The following IFIT1B variants were observed in gnomAD, a reference collection of about 807,000 sequenced individuals.
The protein encoded by IFIT1B is interferon induced protein with tetratricopeptide repeats 1B.
A neutral mutation model predicts 2.5 loss-of-function variants in IFIT1B; 3 were observed. That is an observed-to-expected ratio of 1.21 (90% CI 0.55 to 3.14). IFIT1B has a LOEUF of 3.14. Among genes scored for constraint, IFIT1B ranks in the 30% most tolerant of loss-of-function variants. IFIT1B has a pLI of 0.03. For missense variants in IFIT1B, 545 were observed against 556.5 expected (o/e 0.98, Z 0.21); for synonymous variants, 196 against 203.0 (o/e 0.97, Z 0.29).
In IFIT1B at chr10:89,378,069, T is replaced by C. The variant is rs304504; in HGVS notation, c.-67T>C. 0.52 allele frequency: 822,696 copies of C among 1,580,038 alleles called. 223,504 individuals carry two copies. Among genetic ancestry groups the C allele is most frequent in the African/African-American group, 0.89 (65,960 of 74,370 alleles). Reference sequence around the variant, plus strand: ...CTGAGAAGCCCTAGAACTCTGTGGATGAACCTTGAAGGAGCCTCCAAGCCT... The same window carrying C: ...CTGAGAAGCCCTAGAACTCTGTGGACGAACCTTGAAGGAGCCTCCAAGCCT... On this transcript the variant is annotated 5_prime_UTR_variant, in exon 1 of 2. It removes an upstream start codon present in the reference 5' UTR. Coordinates refer to ENST00000371809, the MANE Select transcript of IFIT1B (RefSeq NM_001010987.2).
rs1844179526 is a variant in IFIT1B at position 89,383,618 on chromosome 10, C to T, written c.305C>T (p.Ala102Val). The T allele has an allele frequency of 1.9e-6, 3 of 1,614,186 alleles. No homozygotes were observed. The highest frequency in any genetic ancestry group is 1.7e-6 in the Non-Finnish European group (2 of 1,180,038). ...IRSLVTWGNF[A>V]WVYYHMGRLA... Reference sequence around the variant, plus strand: ...AGTCTGGTGACCTGGGGCAACTTTGCCTGGGTGTATTACCACATGGGCAGA... The same window carrying T: ...AGTCTGGTGACCTGGGGCAACTTTGTCTGGGTGTATTACCACATGGGCAGA... Residue 102 changes from alanine (A) to valine (V), a missense_variant, in exon 2 of 2, where the codon GCC becomes GTC. By Grantham distance (64) the Ala-to-Val change is moderately conservative. Coordinates refer to ENST00000371809, the MANE Select transcript of IFIT1B (RefSeq NM_001010987.2).
chr10:89,383,267 A>G, intron 1 of IFIT1B, 52 bp from the exon 2 acceptor site: 1 of 1,483,138 alleles, frequency 6.7e-7, no homozygotes, highest in Non-Finnish European at 9.2e-7. Context: ...CTTCATTTTC[A>G]GTGGACTGAA....
At chr10:89,381,378 T>G (rs1844162039) in intron 1 of IFIT1B, among the ~76,000 whole-genome samples, 2 of 152,192 alleles carry the variant, frequency 1.3e-5, no homozygotes, top group South Asian at 4.1e-4. Flanking sequence ...TACTTACTCC[T>G]GACCCCACCT....
At chr10:89,383,147 A>G (rs1332881753) in intron 1 of IFIT1B, among the ~76,000 whole-genome samples, 172 bp from the exon 2 acceptor site, 2 of 152,210 alleles carry the variant, frequency 1.3e-5, no homozygotes, top group Non-Finnish European at 2.9e-5. Flanking sequence ...CTTGGTTTTT[A>G]TGTCAACCTG....
intron 1 of IFIT1B, among the ~76,000 whole-genome samples, chr10:89,380,435 C>CTT (rs58504474): frequency 9.9e-5 from 14 of 140,862 alleles, no homozygotes; most frequent in Admixed American, 7.1e-5. Context: ...ACAAACTCAT[C>CTT]TTTTTTTTTT....
At position 89,384,482 on chromosome 10, in the gene IFIT1B, A is replaced by G. The variant is rs372856637; in HGVS notation, c.1169A>G (p.His390Arg). 1.2e-6 allele frequency: 2 copies of G among 1,614,234 alleles called. No individual in the cohort carries two copies. The highest frequency in any genetic ancestry group is 1.7e-5 in the Admixed American group (1 of 60,024). The stretch of plus-strand genomic sequence containing the variant: ...TACCACTACGGCCGTTTCCAAGAAC[A>G]TCATGGGAAATCTCAAGATAAAGCA... ...IHYHYGRFQE[H>R]HGKSQDKAIT... is the part of the protein sequence containing the mutation. The change falls in exon 2 of 2, where the codon CAT becomes CGT. Residue 390 changes from histidine (H) to arginine (R), a missense_variant. His to Arg is a conservative substitution (Grantham distance 29). Coordinates refer to ENST00000371809, the MANE Select transcript of IFIT1B (RefSeq NM_001010987.2).
Position 89,383,413 on chromosome 10 carries a change from G to C in IFIT1B, c.100G>C (p.Asp34His). ...KLLIEAPEIPDLENRIWEEIQ... is the reference protein window; with the variant it reads ...KLLIEAPEIPHLENRIWEEIQ... ...GTTAATTGAAGCCCCTGAAATTCCTGATTTAGAAAACAGGATCTGGGAAGA... is the reference window on the plus strand; with the variant it reads ...GTTAATTGAAGCCCCTGAAATTCCTCATTTAGAAAACAGGATCTGGGAAGA... Residue 34 changes from aspartate to histidine, a missense_variant, in exon 2 of 2, where the codon GAT becomes CAT. Coordinates refer to ENST00000371809, the MANE Select transcript of IFIT1B (RefSeq NM_001010987.2). The C allele has an allele frequency of 6.2e-7, 1 of 1,614,196 alleles. No homozygotes were observed. Among genetic ancestry groups the C allele is most frequent in the South Asian group, 1.1e-5 (1 of 91,082 alleles).
intron 1 of IFIT1B, among the ~76,000 whole-genome samples, chr10:89,378,986 G>A (rs979031908): frequency 1.3e-5 from 2 of 152,202 alleles, no homozygotes; most frequent in African/African-American, 4.8e-5. Flanking sequence ...GGACCAGTCA[G>A]GGCAAGAGCA....
At chr10:89,379,473 T>C (rs1257660703) in intron 1 of IFIT1B, among the ~76,000 whole-genome samples, 1 of 152,212 alleles carries the variant, frequency 6.6e-6, no homozygotes, top group Non-Finnish European at 1.5e-5. Context: ...AATATATATT[T>C]CTTTTTTTCC....
intron 1 of IFIT1B, among the ~76,000 whole-genome samples, chr10:89,382,443 G>A (rs1021243361): frequency 5.3e-5 from 8 of 152,266 alleles, no homozygotes; most frequent in Admixed American, 1.3e-4. Flanking sequence ...TCAGAGGAGC[G>A]TGAACTATTG....
rs1844140638 is a variant in IFIT1B at position 89,378,781 on chromosome 10, A to G, written c.5+641A>G. 3.3e-5 allele frequency among the ~76,000 whole-genome samples: 5 copies of G among 152,370 alleles called. No homozygotes were observed. The South Asian group carries it at 1.0e-3, about 32-fold the overall frequency. On this transcript the variant is annotated intron_variant, in intron 1 of 1. Coordinates refer to ENST00000371809, the MANE Select transcript of IFIT1B (RefSeq NM_001010987.2). ...AGAGGCAAGTTTCCTAACTCCTGTT[A>G]CAGAGCTCGCTTAGTAAGGGTAGCT...
At position 89,384,237 on chromosome 10, in the gene IFIT1B, G is replaced by C. The variant is rs767930241; in HGVS notation, c.924G>C (p.Trp308Cys). The C allele has an allele frequency of 6.2e-7, 1 of 1,614,164 alleles. No homozygotes were observed. The highest frequency in any genetic ancestry group is 2.2e-5 in the East Asian group (1 of 44,884). The change falls in exon 2 of 2, where the codon TGG becomes TGC. Residue 308 changes from tryptophan to cysteine, a missense_variant. Trp to Cys is a radical substitution (Grantham distance 215, BLOSUM62 -2). Coordinates refer to ENST00000371809, the MANE Select transcript of IFIT1B (RefSeq NM_001010987.2). ...QMIQIKEATN[W>C]QPRGQDRETV... ...TCCAAATCAAGGAAGCTACAAACTG[G>C]CAGCCTAGAGGGCAAGATAGGGAAA...
chr10:89,382,075 CT>C (rs1406481685), intron 1 of IFIT1B, among the ~76,000 whole-genome samples: 5 of 151,920 alleles, frequency 3.3e-5, no homozygotes, highest in African/African-American at 4.8e-5. Flanking sequence ...TGGCCGTGAA[CT>C]TTTTCTTTCC....
At chr10:89,379,698 T>C (rs1844147728) in intron 1 of IFIT1B, among the ~76,000 whole-genome samples, 1 of 151,832 alleles carries the variant, frequency 6.6e-6, no homozygotes, top group South Asian at 2.1e-4. Context: ...ACCACAAGAG[T>C]ACCCAAGTCT....
rs749702479 is a variant in IFIT1B at position 89,383,660 on chromosome 10, C to A, written c.347C>A (p.Thr116Asn). ...ATGGGCAGATTGGCAGAAGCCCAGA[C>A]TTACCTGGACAAGGTGGAGAACACT... ...YHMGRLAEAQ[T>N]YLDKVENTCK... The change falls in exon 2 of 2, where the codon ACT (threonine) becomes AAT (asparagine). Residue 116 changes from threonine (T) to asparagine (N), a missense_variant. Coordinates refer to ENST00000371809, the MANE Select transcript of IFIT1B (RefSeq NM_001010987.2). 3.7e-6 allele frequency: 6 copies of A among 1,614,126 alleles called. No individual in the cohort carries two copies. In the Admixed American group the frequency reaches 1.0e-4, roughly 27 times the overall value.
intron 1 of IFIT1B, among the ~76,000 whole-genome samples, chr10:89,378,698 A>T (rs552250038): frequency 6.6e-6 from 1 of 152,360 alleles, no homozygotes; most frequent in South Asian, 2.1e-4. Context: ...TTCCAAGCAC[A>T]GAGCATGGTG....
intron 1 of IFIT1B, among the ~76,000 whole-genome samples, chr10:89,380,200 A>G (rs1259246043): frequency 6.6e-6 from 1 of 152,086 alleles, no homozygotes; most frequent in Non-Finnish European, 1.5e-5. Context: ...GCCTAAGGGG[A>G]ATCTGGACTA....
chr10:89,379,423 TAAG>T (rs936590832), intron 1 of IFIT1B, among the ~76,000 whole-genome samples: 28 of 152,266 alleles, frequency 1.8e-4, no homozygotes, highest in African/African-American at 6.5e-4. Context: ...TGTTAGAAAA[TAAG>T]AAATTTTGTA....
intron 1 of IFIT1B, 132 bp downstream of exon 1, chr10:89,378,272 G>C: frequency 1.2e-6 from 1 of 832,864 alleles, no homozygotes; most frequent in Non-Finnish European, 2.0e-6. Flanking sequence ...ACCCTGATAG[G>C]CACCCTCAAC....
Sources: allele counts gnomAD v4.1 joint callset (sites outside exome capture counted in the v4.1 genomes callset), GRCh38; gene constraint gnomAD v4.1.1; transcripts MANE v1.5; gene names NCBI Gene and HGNC (gene_info 2026-07-23, HGNC 2026-07-21).